ERN1: variants seen among roughly 807,000 people sequenced by gnomAD.
ERN1 encodes the protein endoplasmic reticulum to nucleus signaling 1, also known as serine/threonine-protein kinase/endoribonuclease IRE1.
Under a neutral mutation model 113.1 loss-of-function variants are expected in ERN1, and 39 were observed. The ratio of observed to expected loss-of-function variants is 0.34; its 90% CI spans 0.27 to 0.45. ERN1 has a LOEUF of 0.45. Ranked by LOEUF, ERN1 falls within the 20% of genes least tolerant of loss-of-function variation. The pLI is 1.00. For synonymous variants in ERN1, 507 were observed against 515.9 expected (o/e 0.98, Z 0.23); for missense variants, 976 against 1,274.8 (o/e 0.77, Z 3.57).
intron 1 of ERN1, among the ~76,000 whole-genome samples, chr17:64,119,048 A>G (rs1386591405): frequency 6.6e-6 from 1 of 152,160 alleles, no homozygotes; most frequent in African/African-American, 2.4e-5. Flanking sequence ...AAAACCATGA[A>G]GATGATTTTA....
At position 64,054,534 on chromosome 17, in the gene ERN1, T is replaced by C; in HGVS notation, c.1764-95A>G. On this transcript the variant is annotated intron_variant, in intron 14 of 21. Transcript: ENST00000433197. This position sits in a 1 kb window ranked among gnomAD's most constrained non-coding sequence, Gnocchi z 4.9. ...GGGTCCACAGCATTCACCTACTGCC[T>C]CCCAGCCTAGAGAGCCCCGCCTGAC... is the stretch of plus-strand genomic sequence containing the variant. The C allele has an allele frequency of 7.8e-7, 1 of 1,279,962 alleles. No homozygotes were observed. The highest frequency in any genetic ancestry group is 1.1e-6 in the Non-Finnish European group (1 of 924,944). 79.3% of individuals were successfully genotyped at this position (1,279,962 alleles called of 1,614,324 possible). A position where few individuals can be genotyped will look rare whatever the true frequency, so the allele number is the denominator to read the frequency against.
chr17:64,046,171 G>T (rs951299901), intron 19 of ERN1, among the ~76,000 whole-genome samples: 2 of 152,218 alleles, frequency 1.3e-5, no homozygotes, highest in African/African-American at 4.8e-5. Context: ...GTAGCCTTAG[G>T]AGACCCTTTT....
intron 2 of ERN1, among the ~76,000 whole-genome samples, chr17:64,095,679 A>G (rs914894121): frequency 6.6e-6 from 1 of 152,102 alleles, no homozygotes; most frequent in African/African-American, 2.4e-5. Flanking sequence ...GTTCAATCAC[A>G]TTAACAGCTC....
intron 1 of ERN1, among the ~76,000 whole-genome samples, chr17:64,110,317 C>T (rs1914639286): frequency 6.6e-6 from 1 of 152,142 alleles, no homozygotes; most frequent in South Asian, 2.1e-4. Context: ...AGCTAATTAA[C>T]ATATCCATTA....
At chr17:64,075,358 C>A in intron 4 of ERN1, 111 bp from the exon 5 acceptor site, 1 of 920,394 alleles carries the variant, frequency 1.1e-6, no homozygotes, top group Non-Finnish European at 1.6e-6. Flanking sequence ...AAGAGAGAAG[C>A]ACTTTGCAGA....
intron 1 of ERN1, chr17:64,098,632 C>T: frequency 1.9e-6 from 1 of 513,158 alleles, no homozygotes; most frequent in Non-Finnish European, 3.9e-6. Flanking sequence ...AATACCCACG[C>T]ATACACACAT....
At chr17:64,095,681 T>G (rs947683127) in intron 2 of ERN1, among the ~76,000 whole-genome samples, 10 of 152,110 alleles carry the variant, frequency 6.6e-5, no homozygotes, top group African/African-American at 1.7e-4. Flanking sequence ...TCAATCACAT[T>G]AACAGCTCCC....
In ERN1 at chr17:64,055,676, T is replaced by G. The variant is rs1222650963; in HGVS notation, c.1671A>C (p.Gly557=). 1.0e-5 allele frequency: 16 copies of G among 1,574,454 alleles called. No individual in the cohort carries two copies. The Admixed American group carries it at 3.0e-4, about 30-fold the overall frequency. The change falls in exon 13 of 22, where the codon GGA becomes GGC. Residue 557 remains glycine (G), a splice_region_variant and synonymous_variant. Coordinates refer to ENST00000433197, the MANE Select transcript of ERN1 (RefSeq NM_001433.5). ...GSSPSLEQDD[G]DEETSVVIVG... is the part of the protein sequence containing the mutation. ...CACCAAGATGGCAACTGGCTTTACC[T>G]CCATCGTCTTGTTCCAGGGAGGGGC...
intron 4 of ERN1, among the ~76,000 whole-genome samples, chr17:64,076,943 CT>C (rs1438538232): frequency 1.3e-5 from 2 of 152,180 alleles, no homozygotes; most frequent in Non-Finnish European, 2.9e-5. Flanking sequence ...GGACATATTC[CT>C]TCACTTCTCC....
At chr17:64,096,792 T>C (rs934656101) in intron 2 of ERN1, among the ~76,000 whole-genome samples, 6 of 152,222 alleles carry the variant, frequency 3.9e-5, no homozygotes, top group Admixed American at 3.3e-4. Context: ...CAGATGACAT[T>C]ACTTGCAGAA....
rs1170032117 is a variant in ERN1, at chr17:64,045,448, T to C, written c.2564A>G (p.Asp855Gly). Residue 855 changes from aspartate to glycine, a missense_variant, in exon 20 of 22, where the codon GAT becomes GGT. Coordinates refer to ENST00000433197, the MANE Select transcript of ERN1 (RefSeq NM_001433.5). ...VSDRIEKESL[D>G]GPIVKQLERG... ...CTCTAACTGCTTCACGATCGGGCCATCCAGGGATTCCTTTTCTATTCTGTC... is the reference window on the plus strand; with the variant it reads ...CTCTAACTGCTTCACGATCGGGCCACCCAGGGATTCCTTTTCTATTCTGTC... 1 of 1,613,812 alleles carries C rather than the reference T, an allele frequency of 6.2e-7. No individual in the cohort carries two copies. The highest frequency in any genetic ancestry group is 8.5e-7 in the Non-Finnish European group (1 of 1,179,866).
At chr17:64,125,997 A>G (rs1480176478) in intron 1 of ERN1, among the ~76,000 whole-genome samples, 1 of 152,186 alleles carries the variant, frequency 6.6e-6, no homozygotes, top group African/African-American at 2.4e-5. Flanking sequence ...ATATTGATAG[A>G]AAGACTGTCT....
chr17:64,126,847 C>A (rs891778929), intron 1 of ERN1, among the ~76,000 whole-genome samples: 1 of 151,660 alleles, frequency 6.6e-6, no homozygotes, highest in African/African-American at 2.4e-5. Context: ...CCTCAGTTCT[C>A]GGTGACTTTT....
chr17:64,053,757 C>T (rs1912764376), intron 15 of ERN1, among the ~76,000 whole-genome samples: 1 of 152,116 alleles, frequency 6.6e-6, no homozygotes, highest in Non-Finnish European at 1.5e-5. Flanking sequence ...GTCCAGGTTT[C>T]CTGGAGGCAA....
chr17:64,057,774 A>G, intron 12 of ERN1, 28 bp downstream of exon 12: 1 of 1,604,814 alleles, frequency 6.2e-7, no homozygotes, highest in African/African-American at 1.3e-5. Context: ...AAATAGGTGG[A>G]TGGCAAAGGG....
rs1157489092 is a variant in ERN1, at chr17:64,057,784, G to T, written c.1398+18C>A. 1 of 1,610,762 alleles carries T rather than the reference G, an allele frequency of 6.2e-7. No individual in the cohort carries two copies. The highest frequency in any genetic ancestry group is 1.7e-5 in the Admixed American group (1 of 60,002). On this transcript the variant is annotated intron_variant, in intron 12 of 21. Coordinates refer to ENST00000433197, the MANE Select transcript of ERN1 (RefSeq NM_001433.5). Reference sequence around the variant, plus strand: ...CCCAGAAATAGGTGGATGGCAAAGGGGAATTGTTGAGCTTTACCAGGGGAT... The same window carrying T: ...CCCAGAAATAGGTGGATGGCAAAGGTGAATTGTTGAGCTTTACCAGGGGAT...
rs2143332837 is a variant in ERN1 at position 64,052,951 on chromosome 17, G to A, written c.2082C>T (p.Ile694=). 4 of 1,613,166 alleles carry A rather than the reference G, an allele frequency of 2.5e-6. No homozygotes were observed. The East Asian group carries it at 8.9e-5, about 36-fold the overall frequency. ...CGTGTGCATTGGGCATGGATATGAGGATGTTGTGTGGCTTTAGGTCTCTGT... is the reference window on the plus strand; with the variant it reads ...CGTGTGCATTGGGCATGGATATGAGAATGTTGTGTGGCTTTAGGTCTCTGT... ...IVHRDLKPHN[I]LISMPNAHGK... is the part of the protein sequence containing the mutation. Residue 694 remains isoleucine, a synonymous_variant, in exon 17 of 22, where the codon ATC becomes ATT. Transcript: ENST00000433197.
intron 1 of ERN1, 44 bp from the exon 2 acceptor site, chr17:64,098,285 C>T (rs1219660378): frequency 6.2e-7 from 1 of 1,612,596 alleles, no homozygotes; most frequent in Non-Finnish European, 8.5e-7. Context: ...TATGATTCTT[C>T]ACCTTGGGCA....
chr17:64,106,715 TACACACACACACAC>T (rs58544303), intron 1 of ERN1, among the ~76,000 whole-genome samples: 34 of 103,436 alleles, frequency 3.3e-4, no homozygotes, highest in African/African-American at 8.5e-4. Flanking sequence ...CAGGGTTTCT[TACACACACACACAC>T]ACACACACAC....
Sources: gnomAD v4.1 joint callset for allele counts (sites outside exome capture counted in the v4.1 genomes callset) on GRCh38, gnomAD v4.1.1 for gene constraint, Gnocchi (gnomAD v3.1) non-coding constraint, MANE v1.5 for transcripts, NCBI Gene and HGNC (gene_info 2026-07-23, HGNC 2026-07-21) for gene names.